LDLRAD4: variants seen among roughly 807,000 people sequenced by gnomAD.
LDLRAD4 encodes the protein low density lipoprotein receptor class A domain containing 4.
Under a neutral mutation model 17.0 loss-of-function variants are expected in LDLRAD4, and 5 were observed. The observed-to-expected ratio is 0.29, with a 90% confidence interval of 0.15 to 0.62. The LOEUF (loss-of-function observed/expected upper bound fraction) is 0.62. Ranked by LOEUF, LDLRAD4 falls within the 20% of genes least tolerant of loss-of-function variation. LDLRAD4 has a pLI of 0.84. For missense variants in LDLRAD4, 340 were observed against 424.7 expected, an observed-to-expected ratio of 0.80 and a Z score of 1.75; for synonymous variants, 168 against 171.8, an observed-to-expected ratio of 0.98 and a Z score of 0.17.
intron 3 of LDLRAD4, among the ~76,000 whole-genome samples, chr18:13,603,173 A>G (rs75792666): frequency 6.6e-6 from 1 of 152,308 alleles, no homozygotes; most frequent in Non-Finnish European, 1.5e-5. Flanking sequence ...AATTTCCAGA[A>G]CACAGGTTTA....
Position 13,310,565 on chromosome 18 carries a change from T to G in LDLRAD4, c.-383+32377T>G, listed in dbSNP as rs566179885. ...AGCCAGAGCAGGGCTTTGTGGATGC[T>G]GCTGGGGGTATGGAGCAGGCAGTGA... is the stretch of plus-strand genomic sequence containing the variant. On this transcript the variant is annotated intron_variant, in intron 1 of 5. Coordinates refer to ENST00000359446, the Ensembl canonical transcript of LDLRAD4. Among the ~76,000 whole-genome samples the G allele has an allele frequency of 4.5e-4, 69 of 152,330 alleles. 2 individuals carry two copies. The East Asian group carries it at 0.012, about 26-fold the overall frequency.
At chr18:13,503,148 A>G (rs1018569180) in intron 3 of LDLRAD4, among the ~76,000 whole-genome samples, 1 of 152,224 alleles carries the variant, frequency 6.6e-6, no homozygotes, top group African/African-American at 2.4e-5. Context: ...AGTATGTACA[A>G]CTGAAAGTGG....
chr18:13,438,276 T>C, exon 3 of LDLRAD4: 1 of 1,614,072 alleles, frequency 6.2e-7, no homozygotes, highest in Non-Finnish European at 8.5e-7. Context: ...TGGTAAATGC[T>C]TGTATCTTGG....
At chr18:13,643,464 G>GGGGGGGGGGGGGGGGGGGGC in intron 5 of LDLRAD4, 52 bp downstream of exon 6, 1 of 288,990 alleles carries the variant, frequency 3.5e-6, no homozygotes, top group Non-Finnish European at 6.5e-6. Context: ...GGTGGGTGGG[G>GGGGGGGGGGGGGGGGGGGGC]ATGAAGGGGG....
At chr18:13,291,351 C>T (rs1017474514) in intron 1 of LDLRAD4, among the ~76,000 whole-genome samples, 4 of 152,242 alleles carry the variant, frequency 2.6e-5, no homozygotes, top group African/African-American at 9.6e-5. Context: ...CACTCATTCA[C>T]TTATTTATTC....
At chr18:13,476,415 A>T (rs2092941058) in intron 3 of LDLRAD4, among the ~76,000 whole-genome samples, 1 of 152,092 alleles carries the variant, frequency 6.6e-6, no homozygotes, top group Non-Finnish European at 1.5e-5. Flanking sequence ...GCTTGAGTCC[A>T]GGAGTTTGAG....
chr18:13,593,001 A>C (rs1233464346), intron 3 of LDLRAD4, among the ~76,000 whole-genome samples: 1 of 152,232 alleles, frequency 6.6e-6, no homozygotes, highest in African/African-American at 2.4e-5. Flanking sequence ...ATATTGTTTT[A>C]TATTTTTAAT....
chr18:13,394,128 T>C (rs529769683), intron 2 of LDLRAD4, among the ~76,000 whole-genome samples: 3 of 152,344 alleles, frequency 2.0e-5, no homozygotes, highest in Admixed American at 2.0e-4. Flanking sequence ...GTGGTATGTG[T>C]ACTTGGTTTT....
intron 3 of LDLRAD4, among the ~76,000 whole-genome samples, chr18:13,536,027 C>G (rs1367961984): frequency 6.6e-6 from 1 of 152,048 alleles, no homozygotes; most frequent in African/African-American, 2.4e-5. Flanking sequence ...ATCTGTATAC[C>G]AATATCATTG....
chr18:13,380,683 C>T (rs1290657895), intron 1 of LDLRAD4, among the ~76,000 whole-genome samples: 4 of 152,218 alleles, frequency 2.6e-5, no homozygotes, highest in Non-Finnish European at 5.9e-5. Context: ...GTCAAGGTGA[C>T]ATTTTAAAGA....
intron 3 of LDLRAD4, among the ~76,000 whole-genome samples, chr18:13,477,524 A>G (rs949271220): frequency 6.6e-6 from 1 of 152,242 alleles, no homozygotes; most frequent in Non-Finnish European, 1.5e-5. Context: ...GACTCTGTGC[A>G]GGCAGCATGG....
At chr18:13,554,753 C>T (rs937280562) in intron 3 of LDLRAD4, among the ~76,000 whole-genome samples, 7 of 152,194 alleles carry the variant, frequency 4.6e-5, no homozygotes, top group African/African-American at 1.7e-4. Flanking sequence ...TCCACTCTCA[C>T]GTTTTCAAAT....
intron 1 of LDLRAD4, among the ~76,000 whole-genome samples, chr18:13,224,704 T>C (rs2041671686): frequency 6.6e-6 from 1 of 151,584 alleles, no homozygotes; most frequent in South Asian, 2.1e-4. Context: ...ATGGTCTTGA[T>C]CTCCTGACCT....
rs77782647 is a variant in LDLRAD4, at chr18:13,579,829, C to T, written c.182-41288C>T. The stretch of plus-strand genomic sequence containing the variant: ...AAACTAGTGCCCAGTTCTGAGTAGC[C>T]GACTTCTATCTGAACTTTTGAAACG... On this transcript the variant is annotated intron_variant, in intron 3 of 5. Coordinates refer to ENST00000359446, the Ensembl canonical transcript of LDLRAD4. 1.8e-3 allele frequency among the ~76,000 whole-genome samples: 277 copies of T among 152,246 alleles called. 2 individuals are homozygous for T. The highest frequency in any genetic ancestry group is 6.4e-3 in the African/African-American group (265 of 41,542).
chr18:13,323,368 T>C (rs2081356117), intron 1 of LDLRAD4, among the ~76,000 whole-genome samples: 1 of 152,242 alleles, frequency 6.6e-6, no homozygotes, highest in Admixed American at 6.5e-5. Flanking sequence ...AAGTGAGCTC[T>C]CGTGCTGTGA....
chr18:13,441,182 C>T (rs2090999616), intron 3 of LDLRAD4, among the ~76,000 whole-genome samples: 1 of 152,174 alleles, frequency 6.6e-6, no homozygotes, highest in Non-Finnish European at 1.5e-5. Flanking sequence ...ATTCTCTTCC[C>T]CGTATTCTGT....
chr18:13,265,139 A>G lies in LDLRAD4; in HGVS notation c.-466-12966A>G, dbSNP rs1403318631. The stretch of plus-strand genomic sequence containing the variant: ...CCTCCCGCTGTGGTCACTGCCTTCA[A>G]TTCTCAACATTTCTTGCCTGGACTT... On this transcript the variant is annotated intron_variant, in intron 1 of 5. Coordinates refer to the LDLRAD4 transcript ENST00000399848. 3.3e-5 allele frequency among the ~76,000 whole-genome samples: 5 copies of G among 152,004 alleles called. No individual in the cohort carries two copies. In the East Asian group the frequency reaches 5.8e-4, roughly 18 times the overall value.
intron 3 of LDLRAD4, among the ~76,000 whole-genome samples, chr18:13,580,859 A>G (rs2094846503): frequency 6.6e-6 from 1 of 152,214 alleles, no homozygotes; most frequent in Non-Finnish European, 1.5e-5. Context: ...TCGCTTAACT[A>G]TTAGAAGCTT....
chr18:13,448,747 GTCTTGGTC>G (rs1449583297), intron 3 of LDLRAD4, among the ~76,000 whole-genome samples: 1 of 152,106 alleles, frequency 6.6e-6, no homozygotes, highest in Admixed American at 6.6e-5. Flanking sequence ...CGCTAATCAC[GTCTTGGTC>G]TTGAAAAAAA....
Sources: allele counts gnomAD v4.1 joint callset (sites outside exome capture counted in the v4.1 genomes callset), GRCh38; gene constraint gnomAD v4.1.1; transcripts MANE v1.5; gene names NCBI Gene and HGNC (gene_info 2026-07-23, HGNC 2026-07-21).